Variants in LRP12 observed in about 807,000 individuals in gnomAD.
LRP12 encodes the protein low-density lipoprotein receptor-related protein 12.
In LRP12, 14 loss-of-function variants were observed where a neutral mutation model predicts 66.0. The ratio of observed to expected loss-of-function variants is 0.21; its 90% CI spans 0.14 to 0.33. LRP12 has a LOEUF of 0.33. LRP12 is among the 10% of genes least tolerant of loss of function. LRP12 has a pLI of 1.00. For missense variants in LRP12, 889 were observed against 1,053.4 expected, an observed-to-expected ratio of 0.84 and a Z score of 2.16; for synonymous variants, 357 against 359.1, an observed-to-expected ratio of 0.99 and a Z score of 0.07.
rs543865616 is a variant in LRP12 at position 104,535,831 on chromosome 8, T to A, written c.80-3868A>T. On this transcript the variant is annotated intron_variant, in intron 1 of 6. Coordinates refer to ENST00000276654, the MANE Select transcript of LRP12 (RefSeq NM_013437.5). The stretch of plus-strand genomic sequence containing the variant: ...AAAAGTTTGTGTTCCTTACTTTTTT[T>A]AAAAAAGGATTCAGACATGAATATA... Among the ~76,000 whole-genome samples the A allele has an allele frequency of 1.5e-4, 23 of 152,124 alleles. No individual in the cohort carries two copies. In the South Asian group the frequency reaches 3.3e-3, roughly 22 times the overall value.
chr8:104,507,341 C>T (rs2140841485), intron 3 of LRP12: 1 of 152,266 alleles, frequency 6.6e-6, no homozygotes, highest in East Asian at 1.9e-4. Flanking sequence ...GTAGGGCTCA[C>T]TTCAATTTTA....
chr8:104,496,602 C>A (rs944706856), intron 5 of LRP12, among the ~76,000 whole-genome samples: 40 of 152,188 alleles, frequency 2.6e-4, no homozygotes, highest in African/African-American at 9.2e-4. Flanking sequence ...ATTCATTTTT[C>A]TATTTACCTG....
At chr8:104,560,024 C>T (rs891203340) in intron 1 of LRP12, among the ~76,000 whole-genome samples, 2 of 152,048 alleles carry the variant, frequency 1.3e-5, no homozygotes, top group African/African-American at 4.8e-5. Context: ...CTCAAGGACA[C>T]GACTAAGACA....
intron 2 of LRP12, among the ~76,000 whole-genome samples, chr8:104,521,314 C>T (rs1350587477): frequency 6.6e-6 from 1 of 151,154 alleles, no homozygotes; most frequent in African/African-American, 2.4e-5. Context: ...GATAGTCAAC[C>T]TGTAATGTAA....
intron 1 of LRP12, among the ~76,000 whole-genome samples, chr8:104,578,801 G>T (rs911638014): frequency 2.5e-4 from 38 of 151,958 alleles, no homozygotes; most frequent in African/African-American, 9.2e-4. Flanking sequence ...GTGATTCATC[G>T]CATAAAGAGA....
intron 1 of LRP12, among the ~76,000 whole-genome samples, chr8:104,533,346 C>T (rs932962791): frequency 6.6e-6 from 1 of 152,006 alleles, no homozygotes; most frequent in African/African-American, 2.4e-5. Flanking sequence ...AAACATGAAA[C>T]TGATTCAATA....
At chr8:104,576,246 G>A (rs535292153) in intron 1 of LRP12, among the ~76,000 whole-genome samples, 3 of 152,190 alleles carry the variant, frequency 2.0e-5, no homozygotes, top group East Asian at 1.9e-4. Flanking sequence ...AGAAGCCAAC[G>A]TTCAAATTGA....
At chr8:104,553,431 A>G (rs1032954581) in intron 1 of LRP12, among the ~76,000 whole-genome samples, 2 of 152,138 alleles carry the variant, frequency 1.3e-5, no homozygotes, top group African/African-American at 4.8e-5. Flanking sequence ...CCGGCCTTTC[A>G]GGCTGCATGG....
chr8:104,490,799 C>T lies in LRP12; in HGVS notation c.2454G>A (p.Arg818=), dbSNP rs978477436. The change falls in exon 7 of 7, where the codon AGG becomes AGA. Residue 818 remains arginine (R), a synonymous_variant. Transcript: ENST00000276654. Reference sequence around the variant, plus strand: ...CACAGGGGCCATCTCGATTACTTGGCCTTACTCCAGGATTTGTTGCATTAT... The same window carrying T: ...CACAGGGGCCATCTCGATTACTTGGTCTTACTCCAGGATTTGTTGCATTAT... ...QPYNATNPGV[R]PSNRDGPCER... is the part of the protein sequence containing the mutation. The T allele has an allele frequency of 6.2e-7, 1 of 1,614,080 alleles. No individual in the cohort carries two copies. Among genetic ancestry groups the T allele is most frequent in the Non-Finnish European group, 8.5e-7 (1 of 1,180,002 alleles).
At chr8:104,520,668 AC>A (rs1811132445) in intron 2 of LRP12, among the ~76,000 whole-genome samples, 2 of 152,040 alleles carry the variant, frequency 1.3e-5, no homozygotes, top group Non-Finnish European at 1.5e-5. Flanking sequence ...TATTTCTATT[AC>A]TGCAGTTTAA....
intron 1 of LRP12, among the ~76,000 whole-genome samples, chr8:104,547,553 C>CATATTAT (rs1204121951): frequency 1.8e-5 from 2 of 113,930 alleles, no homozygotes; most frequent in Non-Finnish European, 3.4e-5. Flanking sequence ...TATATAATTA[C>CATATTAT]ATATTATATA....
At chr8:104,578,800 C>T (rs750457992) in intron 1 of LRP12, among the ~76,000 whole-genome samples, 6 of 152,080 alleles carry the variant, frequency 3.9e-5, no homozygotes, top group African/African-American at 1.4e-4. Flanking sequence ...TGTGATTCAT[C>T]GCATAAAGAG....
At chr8:104,586,739 A>C (rs1343776982) in intron 1 of LRP12, among the ~76,000 whole-genome samples, 1 of 152,200 alleles carries the variant, frequency 6.6e-6, no homozygotes. Context: ...AGGACAAAAA[A>C]CATGCAGCCA....
intron 1 of LRP12, among the ~76,000 whole-genome samples, chr8:104,551,020 G>A (rs1811716895): frequency 6.6e-6 from 1 of 151,988 alleles, no homozygotes; most frequent in Non-Finnish European, 1.5e-5. Flanking sequence ...AGTCTCTAAG[G>A]CTCACCATAA....
chr8:104,549,532 A>G (rs1250443124), intron 1 of LRP12, among the ~76,000 whole-genome samples: 3 of 150,736 alleles, frequency 2.0e-5, no homozygotes, highest in African/African-American at 7.3e-5. Context: ...CCTCCCAAGT[A>G]GCTGGGACTA....
At chr8:104,586,076 T>C (rs1336722043) in intron 1 of LRP12, among the ~76,000 whole-genome samples, 1 of 152,218 alleles carries the variant, frequency 6.6e-6, no homozygotes, top group African/African-American at 2.4e-5. Flanking sequence ...ACCTTTACTC[T>C]CTCCTAACTC....
chr8:104,547,024 A>G (rs1045884078), intron 1 of LRP12, among the ~76,000 whole-genome samples: 30 of 137,080 alleles, frequency 2.2e-4, no homozygotes, highest in African/African-American at 7.8e-4. Flanking sequence ...TATATAATAT[A>G]TAATTATAAA....
intron 1 of LRP12, among the ~76,000 whole-genome samples, chr8:104,546,160 A>C (rs184697800): frequency 1.3e-5 from 2 of 152,282 alleles, no homozygotes; most frequent in East Asian, 3.9e-4. Flanking sequence ...AAATGTTAGA[A>C]ACCTTTGGTA....
At chr8:104,577,145 T>C (rs965148031) in intron 1 of LRP12, among the ~76,000 whole-genome samples, 9 of 152,148 alleles carry the variant, frequency 5.9e-5, no homozygotes, top group Non-Finnish European at 1.2e-4. Flanking sequence ...TGGGAGACTT[T>C]AACACCTCAC....
Sources: gnomAD v4.1 joint callset for allele counts (sites outside exome capture counted in the v4.1 genomes callset) on GRCh38, gnomAD v4.1.1 for gene constraint, MANE v1.5 for transcripts, NCBI Gene and HGNC (gene_info 2026-07-23, HGNC 2026-07-21) for gene names.